The following CLIC5 variants were observed in gnomAD, a reference collection of about 807,000 sequenced individuals.
CLIC5 encodes chloride intracellular channel protein 5.
A neutral mutation model predicts 24.7 loss-of-function variants in CLIC5; 20 were observed. The observed-to-expected ratio is 0.81, with a 90% CI of 0.57 to 1.18. The LOEUF is 1.18. Ranked by LOEUF, CLIC5 falls within the 50% of genes most tolerant of loss-of-function variation. The pLI is 0.00. For missense variants in CLIC5, 341 were observed against 326.1 expected (o/e 1.05, Z -0.35); for synonymous variants, 159 against 135.6 (o/e 1.17, Z -1.20).
At chr6:46,110,110 C>T in the CLIC5 span, among the ~76,000 whole-genome samples, 14,697 of 152,162 alleles carry the variant, frequency 0.097, 826 homozygotes, top group East Asian at 0.15. Context: ...GTTAAAAGAA[C>T]CTGCTCTCCG....
At chr6:46,103,494 C>A in the CLIC5 span, among the ~76,000 whole-genome samples, 23 of 152,282 alleles carry the variant, frequency 1.5e-4, no homozygotes, top group Non-Finnish European at 2.6e-4. Flanking sequence ...TTTCTGAGGA[C>A]TGATACCTGT....
chr6:45,931,923 G>C (rs990128392), intron 4 of CLIC5, among the ~76,000 whole-genome samples: 2 of 152,088 alleles, frequency 1.3e-5, no homozygotes, highest in Non-Finnish European at 2.9e-5. Flanking sequence ...GCCTCCCAAA[G>C]TGCTGGGATT....
At chr6:46,084,608 C>G (rs1030468158), upstream of CLIC5, among the ~76,000 whole-genome samples, 1 of 152,214 alleles carries the variant, frequency 6.6e-6, no homozygotes, top group Non-Finnish European at 1.5e-5. Flanking sequence ...GGCCCCCACT[C>G]TCTTCTGGCT....
At chr6:45,950,478 G>A (rs1764434111) in intron 2 of CLIC5, among the ~76,000 whole-genome samples, 1 of 152,172 alleles carries the variant, frequency 6.6e-6, no homozygotes, top group Non-Finnish European at 1.5e-5. Flanking sequence ...ACTGAAGCAG[G>A]AAGATTGCTT....
chr6:46,059,713 G>A (rs530272873), intron 1 of CLIC5, among the ~76,000 whole-genome samples: 13 of 152,278 alleles, frequency 8.5e-5, no homozygotes, highest in East Asian at 3.9e-4. Flanking sequence ...AGGTTTGCCC[G>A]GATTGCAAGT....
intron 1 of CLIC5, among the ~76,000 whole-genome samples, chr6:45,972,241 C>G (rs1052599820): frequency 2.6e-5 from 4 of 152,176 alleles, no homozygotes; most frequent in African/African-American, 4.8e-5. Context: ...ACAAAGATAA[C>G]TTGAATTGGC....
At chr6:45,960,953 TTA>T (rs1396484005) in intron 1 of CLIC5, among the ~76,000 whole-genome samples, 1 of 152,220 alleles carries the variant, frequency 6.6e-6, no homozygotes, top group Non-Finnish European at 1.5e-5. Flanking sequence ...GAGAGTTTCC[TTA>T]TATGTCATGG....
rs1407380255 is a variant in CLIC5 at position 46,006,019 on chromosome 6, CACATGTATAAATATATAT to C, written c.63+9443_63+9460del. On this transcript the variant is annotated intron_variant, in intron 1 of 5. Coordinates refer to ENST00000339561, the MANE Select transcript of CLIC5 (RefSeq NM_016929.5). ...ATATATTTATATATATATATATACA[CACATGTATAAATATATAT>C]ACATGTATAAATATATATATACATG... 5.1e-5 allele frequency among the ~76,000 whole-genome samples: 7 copies of C among 136,244 alleles called. 1 individual carries two copies. The highest frequency in any genetic ancestry group is 4.2e-4 in the East Asian group (2 of 4,804). The allele number at this position is 136,244 out of a possible 152,430, so 89.4% of individuals were successfully genotyped here.
At chr6:46,041,821 G>A (rs1199646935) in intron 1 of CLIC5, among the ~76,000 whole-genome samples, 1 of 152,036 alleles carries the variant, frequency 6.6e-6, no homozygotes, top group Admixed American at 6.6e-5. Context: ...ATTAAATGAG[G>A]GGCTCCAGGT....
chr6:45,980,361 G>T (rs1347308399), intron 1 of CLIC5, among the ~76,000 whole-genome samples: 6 of 152,066 alleles, frequency 3.9e-5, no homozygotes, highest in Non-Finnish European at 7.4e-5. Context: ...ACTAAACATT[G>T]AATACACATG....
chr6:46,027,107 G>A (rs1767352743), intron 1 of CLIC5, among the ~76,000 whole-genome samples: 1 of 152,130 alleles, frequency 6.6e-6, no homozygotes, highest in Non-Finnish European at 1.5e-5. Context: ...GTGCCTGGTG[G>A]GTCTTGCAAT....
intron 1 of CLIC5, among the ~76,000 whole-genome samples, chr6:46,061,352 G>C (rs1254823304): frequency 6.6e-6 from 1 of 152,136 alleles, no homozygotes; most frequent in Non-Finnish European, 1.5e-5. Context: ...ACCATGCCTG[G>C]CTGATGTTTT....
intron 1 of CLIC5, among the ~76,000 whole-genome samples, chr6:46,000,467 C>T (rs1048228831): frequency 2.0e-5 from 3 of 152,252 alleles, no homozygotes; most frequent in African/African-American, 7.2e-5. Flanking sequence ...GAAGTCAGCA[C>T]CAAACCGAAG....
At chr6:45,919,034 C>A in intron 4 of CLIC5, 3 of 985,418 alleles carry the variant, frequency 3.0e-6, no homozygotes, top group Non-Finnish European at 3.6e-6. Context: ...GCTTTGTTTT[C>A]AACTGCTATG....
chr6:45,990,104 A>G (rs1363502156), intron 1 of CLIC5, among the ~76,000 whole-genome samples: 1 of 152,192 alleles, frequency 6.6e-6, no homozygotes, highest in Non-Finnish European at 1.5e-5. Context: ...GGGTCATGTG[A>G]ACAGGGTTGT....
intron 1 of CLIC5, among the ~76,000 whole-genome samples, chr6:45,995,957 G>A (rs1046308794): frequency 8.5e-5 from 13 of 152,098 alleles, no homozygotes; most frequent in African/African-American, 2.9e-4. Flanking sequence ...CACACACTGG[G>A]GACTGTTGAG....
At chr6:45,957,161 G>A (rs1047716531) in intron 1 of CLIC5, among the ~76,000 whole-genome samples, 12 of 152,190 alleles carry the variant, frequency 7.9e-5, no homozygotes, top group South Asian at 2.1e-4. Context: ...GTTTTCCTCT[G>A]GTGGTGGTGG....
chr6:45,914,456 G>A (rs761977553), intron 4 of CLIC5, 47 bp from the exon 5 acceptor site: 4 of 1,517,286 alleles, frequency 2.6e-6, no homozygotes, highest in Admixed American at 1.9e-5. Flanking sequence ...TCTTGCCAGT[G>A]GATACAGTCA....
the CLIC5 span, among the ~76,000 whole-genome samples, chr6:46,108,830 T>A: frequency 6.6e-6 from 1 of 152,222 alleles, no homozygotes; most frequent in African/African-American, 2.4e-5. Context: ...GTTCCCATTT[T>A]GAGCACTTTC....
Sources: allele counts gnomAD v4.1 joint callset (sites outside exome capture counted in the v4.1 genomes callset), GRCh38; gene constraint gnomAD v4.1.1; transcripts MANE v1.5; gene names NCBI Gene and HGNC (gene_info 2026-07-23, HGNC 2026-07-21).